GLT1D1: variants seen among roughly 807,000 people sequenced by gnomAD.
GLT1D1 encodes the protein glycosyltransferase 1 domain containing 1, also known as glycosyltransferase 1 domain-containing protein 1.
GLT1D1 carries 21 observed loss-of-function variants against 28.7 expected under a neutral mutation model. The ratio of observed to expected loss-of-function variants is 0.73; its 90% CI spans 0.52 to 1.05. The LOEUF is 1.05. Among genes scored for constraint, GLT1D1 ranks in the 50% least tolerant of loss-of-function variants. The probability of loss-of-function intolerance (pLI) is 0.00; values close to 1 mark genes in which losing one functional copy is unlikely to be tolerated. For missense variants in GLT1D1, 343 were observed against 330.6 expected, an observed-to-expected ratio of 1.04 and a Z score of -0.29; for synonymous variants, 147 against 124.8, an observed-to-expected ratio of 1.18 and a Z score of -1.19.
chr12:128,881,534 GAAAAAAAAAAAAAAAAA>G (rs1161429342), intron 2 of GLT1D1, among the ~76,000 whole-genome samples: 1 of 23,918 alleles, frequency 4.2e-5, no homozygotes, highest in African/African-American at 1.6e-4. Context: ...ACTCTGTATC[GAAAAAAAAAAAAAAAAA>G]AAAAAAAAAA....
At position 128,907,088 on chromosome 12, in the gene GLT1D1, G is replaced by A. The variant is rs945560941; in HGVS notation, c.375+7801G>A. The A allele has an allele frequency of 9.3e-6, 6 of 646,020 alleles. No homozygotes were observed. In the Admixed American group the frequency reaches 1.4e-4, roughly 15 times the overall value. The allele number at this position is 646,020 out of a possible 1,614,324, so 40.0% of individuals were successfully genotyped here. On this transcript the variant is annotated intron_variant, in intron 4 of 7. Transcript: ENST00000281703. ...TTATTACTTCTCCCTCTTCCTGCAT[G>A]GCCCCATTGCTTTATGTCTGATTAC...
chr12:128,934,579 G>A (rs977622196), intron 4 of GLT1D1, among the ~76,000 whole-genome samples: 3 of 152,074 alleles, frequency 2.0e-5, no homozygotes, highest in Admixed American at 6.6e-5. Context: ...GCCCTAGTTC[G>A]CAGGAGGTCC....
intron 1 of GLT1D1, among the ~76,000 whole-genome samples, chr12:128,863,620 C>A (rs1443367093): frequency 6.6e-6 from 1 of 152,180 alleles, no homozygotes; most frequent in East Asian, 1.9e-4. Context: ...TCAGGCGATT[C>A]ACTCGCCTCG....
At chr12:128,929,869 G>A (rs1476555801) in intron 4 of GLT1D1, among the ~76,000 whole-genome samples, 1 of 152,198 alleles carries the variant, frequency 6.6e-6, no homozygotes, top group East Asian at 1.9e-4. Flanking sequence ...CCAGCTCCTC[G>A]GGAGGCTGAG....
chr12:128,960,773 A>C lies in GLT1D1; in HGVS notation c.639+3130A>C, dbSNP rs181249863. ...ACAGAGCTGGGTATCTAAAAAAAAA[A>C]ATTAAATATATATTTCAATATGCGT... is the stretch of plus-strand genomic sequence containing the variant. On this transcript the variant is annotated intron_variant, in intron 7 of 7. Coordinates refer to ENST00000281703, the MANE Select transcript of GLT1D1 (RefSeq NM_144669.3). Among the ~76,000 whole-genome samples the C allele has an allele frequency of 3.4e-4, 51 of 152,060 alleles. No homozygotes were observed. The East Asian group carries it at 9.7e-3, about 29-fold the overall frequency.
At chr12:128,974,183 C>A (rs1879537876) in intron 7 of GLT1D1, among the ~76,000 whole-genome samples, 1 of 152,106 alleles carries the variant, frequency 6.6e-6, no homozygotes, top group Non-Finnish European at 1.5e-5. Context: ...CCAAAAAGCG[C>A]TTGGAAAACA....
At chr12:128,891,773 C>T (rs1481432361) in intron 3 of GLT1D1, among the ~76,000 whole-genome samples, 2 of 152,092 alleles carry the variant, frequency 1.3e-5, no homozygotes, top group Non-Finnish European at 2.9e-5. Context: ...GGACCCCGAT[C>T]GTATGTTGTG....
At chr12:128,914,065 T>C (rs984261947) in intron 4 of GLT1D1, among the ~76,000 whole-genome samples, 1 of 152,230 alleles carries the variant, frequency 6.6e-6, no homozygotes, top group African/African-American at 2.4e-5. Context: ...CTTGATTTAC[T>C]TACATTTTAT....
intron 4 of GLT1D1, among the ~76,000 whole-genome samples, chr12:128,935,314 G>T (rs923705638): frequency 6.6e-6 from 1 of 152,142 alleles, no homozygotes; most frequent in South Asian, 2.1e-4. Flanking sequence ...GGCTGAGGTG[G>T]GCGGATCGCT....
At chr12:128,930,781 G>T (rs1222202428) in intron 4 of GLT1D1, among the ~76,000 whole-genome samples, 1 of 152,192 alleles carries the variant, frequency 6.6e-6, no homozygotes, top group Admixed American at 6.5e-5. Context: ...AGAGGCGGGA[G>T]AAGAGAGAGC....
intron 4 of GLT1D1, among the ~76,000 whole-genome samples, chr12:128,903,751 G>A (rs879403406): frequency 1.3e-5 from 2 of 151,592 alleles, no homozygotes; most frequent in Non-Finnish European, 1.5e-5. Context: ...TATTTTTTGA[G>A]ATGGAATCTT....
intron 7 of GLT1D1, among the ~76,000 whole-genome samples, chr12:128,976,350 A>G (rs1350690148): frequency 3.3e-5 from 5 of 152,128 alleles, no homozygotes. Flanking sequence ...GAGGGCGGGT[A>G]TGTGGGGCGT....
At chr12:128,903,613 G>A (rs1448544446) in intron 4 of GLT1D1, among the ~76,000 whole-genome samples, 14 of 151,730 alleles carry the variant, frequency 9.2e-5, no homozygotes, top group Admixed American at 9.2e-4. Context: ...AGGGACATGA[G>A]GTAGTCACTC....
intron 4 of GLT1D1, among the ~76,000 whole-genome samples, chr12:128,941,907 T>TC (rs1875321470): frequency 1.0e-4 from 2 of 19,380 alleles, no homozygotes; most frequent in African/African-American, 4.6e-4. Flanking sequence ...CTCTCTCTCT[T>TC]TTTTTTTTTT....
intron 1 of GLT1D1, among the ~76,000 whole-genome samples, chr12:128,871,282 C>T (rs192428049): frequency 2.0e-5 from 3 of 152,238 alleles, no homozygotes; most frequent in East Asian, 1.9e-4. Context: ...TAGGCTGAAG[C>T]GAGCTGATAG....
intron 7 of GLT1D1, among the ~76,000 whole-genome samples, chr12:128,958,446 G>A (rs1359279234): frequency 1.3e-5 from 2 of 152,032 alleles, no homozygotes; most frequent in Non-Finnish European, 2.9e-5. Context: ...AAAAGGGAAG[G>A]TGTTGGCTGG....
intron 6 of GLT1D1, among the ~76,000 whole-genome samples, chr12:128,952,494 T>G (rs1876808684): frequency 1.4e-5 from 2 of 143,332 alleles, no homozygotes; most frequent in Non-Finnish European, 3.0e-5. Flanking sequence ...TGAGATGAAG[T>G]TTCGCTCTTG....
intron 4 of GLT1D1, among the ~76,000 whole-genome samples, chr12:128,902,665 T>C (rs1185210329): frequency 6.6e-6 from 1 of 151,620 alleles, no homozygotes; most frequent in Non-Finnish European, 1.5e-5. Flanking sequence ...ATTTTCTTTA[T>C]AGACCTCAAC....
chr12:128,866,828 C>T (rs1053784731), intron 1 of GLT1D1, among the ~76,000 whole-genome samples: 14 of 151,692 alleles, frequency 9.2e-5, no homozygotes, highest in Middle Eastern at 6.3e-3. Flanking sequence ...ACCTTGTTGG[C>T]CAGGCTGGTC....
Sources: allele counts gnomAD v4.1 joint callset (sites outside exome capture counted in the v4.1 genomes callset), GRCh38; gene constraint gnomAD v4.1.1; transcripts MANE v1.5; gene names NCBI Gene and HGNC (gene_info 2026-07-23, HGNC 2026-07-21).